NYAP2: variants seen among roughly 807,000 people sequenced by gnomAD.
The protein encoded by NYAP2 is neuronal tyrosine-phosphorylated phosphoinositide-3-kinase adaptor 2.
In NYAP2, 23 loss-of-function variants were observed where a neutral mutation model predicts 50.4. The ratio of observed to expected loss-of-function variants is 0.46; its 90% CI spans 0.33 to 0.65. The LOEUF (loss-of-function observed/expected upper bound fraction) is 0.65, where lower values mean the gene tolerates loss of function less well. Ranked by LOEUF, NYAP2 falls within the 30% of genes least tolerant of loss-of-function variation. The pLI, the probability that NYAP2 is intolerant of heterozygous loss-of-function variation, is 0.02. For synonymous variants in NYAP2, 394 were observed against 365.2 expected (o/e 1.08, Z -0.90); for missense variants, 885 against 861.0 (o/e 1.03, Z -0.35).
intron 3 of NYAP2, among the ~76,000 whole-genome samples, chr2:225,457,035 T>A (rs1215458571): frequency 6.6e-6 from 1 of 152,230 alleles, no homozygotes; most frequent in African/African-American, 2.4e-5. Flanking sequence ...GAGCTGGAAC[T>A]TAAAATGGCG....
intron 4 of NYAP2, among the ~76,000 whole-genome samples, chr2:225,529,594 G>A (rs1488226236): frequency 6.6e-6 from 1 of 152,202 alleles, no homozygotes; most frequent in Non-Finnish European, 1.5e-5. Flanking sequence ...ATAAGTGCTG[G>A]GAAGACAGGC....
chr2:225,513,374 A>T, exon 4 of NYAP2: 1 of 1,613,916 alleles, frequency 6.2e-7, no homozygotes, highest in South Asian at 1.1e-5. Context: ...TTTACAGCAT[A>T]GGTGGAGAAG....
Position 225,582,004 on chromosome 2 carries a change from A to G in NYAP2, c.587A>G (p.Lys196Arg), listed in dbSNP as rs1574691177. Reference sequence around the variant, plus strand: ...AAGAAGATTCCTCCTCCCAAACCGAAGCGAAATCCGAACACTCAGCTGAGC... The same window carrying G: ...AAGAAGATTCCTCCTCCCAAACCGAGGCGAAATCCGAACACTCAGCTGAGC... Residue 196 changes from lysine to arginine, a missense_variant, in exon 5 of 7, where the codon AAG (lysine) becomes AGG (arginine). Transcript: ENST00000636099. The surrounding 1 kb of genome is among the most constrained non-coding windows in gnomAD (Gnocchi z 7.0). The G allele has an allele frequency of 6.8e-6, 11 of 1,613,684 alleles. No individual in the cohort carries two copies. In the East Asian group the frequency reaches 2.2e-4, roughly 33 times the overall value.
chr2:225,485,323 T>C (rs1488196353), intron 3 of NYAP2, among the ~76,000 whole-genome samples: 1 of 152,230 alleles, frequency 6.6e-6, no homozygotes, highest in East Asian at 1.9e-4. Context: ...ATTAAACCTC[T>C]TTCCCTTATA....
chr2:225,541,557 C>A (rs1251121426), intron 4 of NYAP2, among the ~76,000 whole-genome samples: 4 of 152,082 alleles, frequency 2.6e-5, no homozygotes, highest in Non-Finnish European at 5.9e-5. Context: ...TGTCTTTTCC[C>A]AAATGTATGT....
exon 7 of NYAP2, chr2:225,651,616 G>T: frequency 1.2e-6 from 2 of 1,601,540 alleles, no homozygotes; most frequent in Non-Finnish European, 1.7e-6. Flanking sequence ...CTGTCCTGTT[G>T]CTGTAGACAA....
intron 4 of NYAP2, among the ~76,000 whole-genome samples, chr2:225,531,886 A>T (rs1691259692): frequency 6.6e-6 from 1 of 152,226 alleles, no homozygotes; most frequent in South Asian, 2.1e-4. Flanking sequence ...ATGAATCTTG[A>T]TTGGTACACA....
At chr2:225,691,329 T>C in the NYAP2 span, among the ~76,000 whole-genome samples, 1 of 152,228 alleles carries the variant, frequency 6.6e-6, no homozygotes, top group East Asian at 1.9e-4. Context: ...GTGCCCCAAA[T>C]CTTGATTTAT....
intron 3 of NYAP2, among the ~76,000 whole-genome samples, chr2:225,453,641 G>T (rs553728673): frequency 6.6e-6 from 1 of 150,844 alleles, no homozygotes; most frequent in African/African-American, 2.4e-5. Flanking sequence ...AAACTATCAA[G>T]TTTTTTTGTT....
chr2:225,609,402 C>T (rs1692842340), intron 5 of NYAP2, among the ~76,000 whole-genome samples: 1 of 152,130 alleles, frequency 6.6e-6, no homozygotes, highest in Non-Finnish European at 1.5e-5. Context: ...CTGCAAACAG[C>T]TTTCCTCTTG....
At chr2:225,561,806 C>T (rs765188053) in intron 4 of NYAP2, among the ~76,000 whole-genome samples, 1 of 151,874 alleles carries the variant, frequency 6.6e-6, no homozygotes, top group African/African-American at 2.4e-5. Context: ...TTCTATATTT[C>T]TGTATTATAT....
chr2:225,641,049 G>A (rs1015829651), intron 6 of NYAP2, among the ~76,000 whole-genome samples: 2 of 152,108 alleles, frequency 1.3e-5, no homozygotes, highest in Non-Finnish European at 2.9e-5. Flanking sequence ...AATTCTGCTT[G>A]AGAACCACAA....
At chr2:225,420,645 T>A (rs1695199472) in intron 3 of NYAP2, among the ~76,000 whole-genome samples, 1 of 151,212 alleles carries the variant, frequency 6.6e-6, no homozygotes, top group Non-Finnish European at 1.5e-5. Context: ...AGGGTCTCAC[T>A]CTGCCACCCA....
intron 5 of NYAP2, among the ~76,000 whole-genome samples, chr2:225,625,600 G>T (rs143041238): frequency 6.6e-6 from 1 of 152,192 alleles, no homozygotes; most frequent in African/African-American, 2.4e-5. Context: ...AAGGAGGGGT[G>T]GTAATAGCTG....
At chr2:225,554,515 G>C (rs1232531334) in intron 4 of NYAP2, among the ~76,000 whole-genome samples, 1 of 151,882 alleles carries the variant, frequency 6.6e-6, no homozygotes, top group African/African-American at 2.4e-5. Flanking sequence ...AGTAGAGACA[G>C]GTTTTGCCAT....
chr2:225,649,212 T>C (rs1693690060), intron 6 of NYAP2, among the ~76,000 whole-genome samples: 1 of 152,226 alleles, frequency 6.6e-6, no homozygotes, highest in South Asian at 2.1e-4. Flanking sequence ...TCTGTTTACT[T>C]AGCACTAGCT....
At position 225,640,160 on chromosome 2, in the gene NYAP2, A is replaced by G. The variant is rs75168079; in HGVS notation, c.1829-11272A>G. 7.2e-3 allele frequency among the ~76,000 whole-genome samples: 1,092 copies of G among 152,330 alleles called. 18 individuals carry two copies. The highest frequency in any genetic ancestry group is 0.025 in the African/African-American group (1,036 of 41,572). The stretch of plus-strand genomic sequence containing the variant: ...AAGAGAAACAGATTTATGGAGATCA[A>G]CGTGAACAGGCTGCCCCAAATAACC... On this transcript the variant is annotated intron_variant, in intron 6 of 6. Transcript: ENST00000636099.
the NYAP2 span, among the ~76,000 whole-genome samples, chr2:225,660,510 AT>A: frequency 9.1e-4 from 120 of 131,158 alleles, no homozygotes; most frequent in African/African-American, 3.2e-3. Flanking sequence ...TTAAATGCCT[AT>A]TTTTTTTAAT....
intron 5 of NYAP2, among the ~76,000 whole-genome samples, chr2:225,621,289 C>G (rs1218562921): frequency 6.6e-6 from 1 of 152,168 alleles, no homozygotes; most frequent in Non-Finnish European, 1.5e-5. Context: ...CCTTTTGTCT[C>G]AGGACACTGA....
Sources: allele counts gnomAD v4.1 joint callset (sites outside exome capture counted in the v4.1 genomes callset), GRCh38; gene constraint gnomAD v4.1.1; non-coding constraint Gnocchi (gnomAD v3.1); transcripts MANE v1.5; gene names NCBI Gene and HGNC (gene_info 2026-07-23, HGNC 2026-07-21).